STS: variants seen among roughly 807,000 people sequenced by gnomAD.
STS encodes the protein steryl-sulfatase.
Under a neutral mutation model 26.8 loss-of-function variants are expected in STS, and 7 were observed. The ratio of observed to expected loss-of-function variants is 0.26; its 90% confidence interval spans 0.15 to 0.49. The LOEUF (loss-of-function observed/expected upper bound fraction) is 0.49. Among genes scored for constraint, STS ranks in the 20% least tolerant of loss-of-function variants. STS has a pLI of 0.98. For synonymous variants in STS, 199 were observed against 189.4 expected, an observed-to-expected ratio of 1.05 and a Z score of -0.42; for missense variants, 434 against 465.6, an observed-to-expected ratio of 0.93 and a Z score of 0.63.
intron 2 of STS, among the ~76,000 whole-genome samples, chrX:7,238,927 G>T (rs1183950116): frequency 9.0e-6 from 1 of 111,327 alleles, no homozygotes; most frequent in Non-Finnish European, 1.9e-5. Context: ...ACTAAGTGAA[G>T]ACTTCAGTGT....
At chrX:7,156,151 CAAAAA>C (rs1182960488) in intron 1 of STS, among the ~76,000 whole-genome samples, 1 of 92,323 alleles carries the variant, frequency 1.1e-5, no homozygotes, top group Non-Finnish European at 2.2e-5. Flanking sequence ...GAACCTATCT[CAAAAA>C]AAAAAAAAAT....
chrX:7,312,426 G>C, intron 8 of STS, among the ~76,000 whole-genome samples: 1 of 111,599 alleles, frequency 9.0e-6, no homozygotes, highest in Non-Finnish European at 1.9e-5. Flanking sequence ...GTGTCCTAGT[G>C]CCTTGAGTAA....
chrX:7,200,238 T>C (rs1300366854), intron 2 of STS, among the ~76,000 whole-genome samples: 1 of 111,417 alleles, frequency 9.0e-6, no homozygotes, highest in African/African-American at 3.3e-5. Flanking sequence ...AAATTTGTTA[T>C]AAGGAATATT....
At chrX:7,342,216 G>A (rs1928322985) in intron 10 of STS, among the ~76,000 whole-genome samples, 1 of 111,378 alleles carries the variant, frequency 9.0e-6, no homozygotes, top group Non-Finnish European at 1.9e-5. Flanking sequence ...AAATAATCCA[G>A]CCAGAGAATT....
At chrX:7,250,491 A>T (rs1321317554) in intron 2 of STS, among the ~76,000 whole-genome samples, 1 of 111,153 alleles carries the variant, frequency 9.0e-6, no homozygotes, top group African/African-American at 3.3e-5. Flanking sequence ...ATTAAGATAG[A>T]CAAGGTTTTT....
Position 7,184,529 on chromosome X carries a change from T to C in STS, c.-133-6351T>C, listed in dbSNP as rs755123109. On this transcript the variant is annotated intron_variant, in intron 1 of 10. Coordinates refer to ENST00000674429, the MANE Select transcript of STS (RefSeq NM_001320752.2). ...GATAATTCCAGGTGTTCTTCATGTA[T>C]AGAGTGACACTTTGACATCCGCTTT... is the stretch of plus-strand genomic sequence containing the variant. Among the ~76,000 whole-genome samples the C allele has an allele frequency of 4.5e-5, 5 of 112,259 alleles. No homozygotes were observed. In the South Asian group the frequency reaches 1.8e-3, roughly 42 times the overall value.
intron 7 of STS, among the ~76,000 whole-genome samples, chrX:7,282,153 A>G (rs1483659395): frequency 9.0e-6 from 1 of 111,250 alleles, no homozygotes; most frequent in Non-Finnish European, 1.9e-5. Flanking sequence ...AGCTTGCATC[A>G]TGGCAGCCCT....
intron 1 of STS, among the ~76,000 whole-genome samples, chrX:7,161,174 C>T (rs776349066): frequency 9.3e-6 from 1 of 108,074 alleles, no homozygotes; most frequent in African/African-American, 3.4e-5. Context: ...GCCATGTTGG[C>T]CAGGCTGGTC....
At chrX:7,250,418 AAG>A in intron 2 of STS, among the ~76,000 whole-genome samples, 1 of 110,057 alleles carries the variant, frequency 9.1e-6, no homozygotes, top group Middle Eastern at 4.7e-3. Flanking sequence ...AAAAAAAAGA[AAG>A]AAAGAAAGAA....
intron 6 of STS, among the ~76,000 whole-genome samples, chrX:7,275,684 G>A (rs1924494405): frequency 9.0e-6 from 1 of 111,018 alleles, no homozygotes. Context: ...ATCTCTTCCT[G>A]AGTTGGGTCT....
At chrX:7,216,741 A>T (rs536587705) in intron 2 of STS, among the ~76,000 whole-genome samples, 1 of 111,817 alleles carries the variant, frequency 8.9e-6, no homozygotes, top group South Asian at 3.8e-4. Flanking sequence ...TGGCTCAGCT[A>T]ACTTATAACT....
chrX:7,150,510 C>T (rs775700060), intron 1 of STS, among the ~76,000 whole-genome samples: 12 of 111,461 alleles, frequency 1.1e-4, no homozygotes, highest in Non-Finnish European at 2.1e-4. Context: ...CGTGAGCCAC[C>T]GCCCCCGGCC....
intron 3 of STS, 114 bp from the exon 4 acceptor site, chrX:7,257,128 C>T (rs1317446953): frequency 6.7e-6 from 7 of 1,038,607 alleles, no homozygotes; most frequent in South Asian, 1.9e-5. Flanking sequence ...TAGTGTGAGC[C>T]GAGATTGCGC....
chrX:7,218,450 G>A (rs1293515530), intron 2 of STS, among the ~76,000 whole-genome samples: 2 of 111,795 alleles, frequency 1.8e-5, no homozygotes, highest in African/African-American at 6.5e-5. Context: ...CTTTTCCTGC[G>A]GGATTGCTGA....
chrX:7,344,133 G>A (rs1411124872), intron 10 of STS, among the ~76,000 whole-genome samples: 1 of 112,106 alleles, frequency 8.9e-6, no homozygotes, highest in Non-Finnish European at 1.9e-5. Context: ...TTCATGTGTA[G>A]GGAGTGGCGA....
intron 2 of STS, among the ~76,000 whole-genome samples, chrX:7,211,534 C>T (rs1330375411): frequency 8.9e-6 from 1 of 112,037 alleles, no homozygotes; most frequent in Non-Finnish European, 1.9e-5. Flanking sequence ...CATCTCTGTC[C>T]GACTTCTGGC....
chrX:7,333,962 G>C (rs779290351), intron 9 of STS, 24 bp from the exon 10 acceptor site: 1 of 1,211,214 alleles, frequency 8.3e-7, no homozygotes, highest in Non-Finnish European at 1.1e-6. Context: ...TTCACGTCTT[G>C]ATGCCTGGCT....
At chrX:7,189,055 A>G (rs1003616040) in intron 1 of STS, among the ~76,000 whole-genome samples, 1 of 111,991 alleles carries the variant, frequency 8.9e-6, no homozygotes, top group Non-Finnish European at 1.9e-5. Context: ...ATTGAACCTC[A>G]GAAATTGTTG....
chrX:7,257,162 A>T, intron 3 of STS, 80 bp from the exon 4 acceptor site: 1 of 1,165,981 alleles, frequency 8.6e-7, no homozygotes, highest in Non-Finnish European at 1.2e-6. Context: ...CCTGGGTGAC[A>T]GAGTGAGATC....
Sources: gnomAD v4.1 joint callset for allele counts (sites outside exome capture counted in the v4.1 genomes callset) on GRCh38, gnomAD v4.1.1 for gene constraint, MANE v1.5 for transcripts, NCBI Gene and HGNC (gene_info 2026-07-23, HGNC 2026-07-21) for gene names.